The following MAMDC2 variants were observed in gnomAD, a reference collection of about 807,000 sequenced individuals.
MAMDC2 encodes MAM domain-containing protein 2.
In MAMDC2, 57 loss-of-function variants were observed where a neutral mutation model predicts 89.8. That is an observed-to-expected ratio of 0.63 (90% CI 0.51 to 0.79). The LOEUF (loss-of-function observed/expected upper bound fraction) is 0.79, where lower values mean the gene tolerates loss of function less well. Among genes scored for constraint, MAMDC2 ranks in the 30% least tolerant of loss-of-function variants. The pLI is 0.00. For missense variants in MAMDC2, 800 were observed against 820.6 expected (o/e 0.97, Z 0.31); for synonymous variants, 313 against 293.4 (o/e 1.07, Z -0.68).
At chr9:70,124,082 T>C (rs2030414194) in intron 5 of MAMDC2, among the ~76,000 whole-genome samples, 1 of 152,138 alleles carries the variant, frequency 6.6e-6, no homozygotes, top group Non-Finnish European at 1.5e-5. Context: ...GCCTGCAGCA[T>C]GGGGCTGGGT....
At chr9:70,159,048 A>G (rs2118481707) in intron 9 of MAMDC2, among the ~76,000 whole-genome samples, 1 of 56,048 alleles carries the variant, frequency 1.8e-5, no homozygotes, top group Admixed American at 1.4e-4. Context: ...CATGCATAAT[A>G]CACACACACA....
At chr9:70,143,516 T>C (rs2031295568) in intron 8 of MAMDC2, 38 bp from the exon 9 acceptor site, 2 of 1,605,080 alleles carry the variant, frequency 1.2e-6, no homozygotes, top group African/African-American at 2.7e-5. Flanking sequence ...CTAGATTAGA[T>C]TATTTTGCAT....
At chr9:70,068,356 G>T (rs1278097257) in intron 2 of MAMDC2, among the ~76,000 whole-genome samples, 2 of 152,084 alleles carry the variant, frequency 1.3e-5, no homozygotes, top group Non-Finnish European at 2.9e-5. Context: ...CTCTGTGGGG[G>T]TAGGGAGCAC....
chr9:70,177,498 C>A (rs1433492899), intron 11 of MAMDC2, among the ~76,000 whole-genome samples: 1 of 152,138 alleles, frequency 6.6e-6, no homozygotes, highest in Non-Finnish European at 1.5e-5. Flanking sequence ...CTGTGGGTAA[C>A]CGAAACCATG....
At chr9:70,072,234 T>C (rs141236425) in intron 2 of MAMDC2, among the ~76,000 whole-genome samples, 232 of 152,304 alleles carry the variant, frequency 1.5e-3, no homozygotes, top group Non-Finnish European at 2.4e-3. Flanking sequence ...CATGTTTTCC[T>C]GACCATCAGT....
intron 7 of MAMDC2, 93 bp downstream of exon 7, chr9:70,131,705 A>C: frequency 1.1e-6 from 1 of 902,656 alleles, no homozygotes; most frequent in South Asian, 1.5e-5. Flanking sequence ...TTTAATTTTC[A>C]TATCTTTCCC....
intron 2 of MAMDC2, chr9:70,060,427 G>A (rs1297157066): frequency 6.6e-6 from 1 of 152,144 alleles, no homozygotes; most frequent in Non-Finnish European, 1.5e-5. Context: ...CTTCCCTCAG[G>A]GATGTATCTA....
intron 11 of MAMDC2, among the ~76,000 whole-genome samples, chr9:70,213,735 A>C (rs1470123399): frequency 1.5e-5 from 1 of 66,434 alleles, no homozygotes; most frequent in East Asian, 4.6e-4. Flanking sequence ...CAGTGAAAGA[A>C]TGAAGGTAAT....
intron 2 of MAMDC2, among the ~76,000 whole-genome samples, chr9:70,062,381 C>T (rs1385484523): frequency 1.3e-5 from 2 of 151,918 alleles, no homozygotes; most frequent in Admixed American, 6.6e-5. Context: ...ATTGAAGGAT[C>T]GTAAGAGATG....
intron 2 of MAMDC2, among the ~76,000 whole-genome samples, chr9:70,081,123 G>A (rs532586949): frequency 6.6e-6 from 1 of 152,148 alleles, no homozygotes; most frequent in African/African-American, 2.4e-5. Flanking sequence ...ACTGTCAGCT[G>A]TTTGTTTGAC....
At chr9:70,194,328 G>A (rs926303351) in intron 11 of MAMDC2, 1 of 152,108 alleles carries the variant, frequency 6.6e-6, no homozygotes, top group Non-Finnish European at 1.5e-5. Context: ...CAGTGTAACA[G>A]AATTAAGAGA....
rs1564004157 is a variant in MAMDC2 at position 70,218,371 on chromosome 9, G to A, written c.1686G>A (p.Val562=). The change falls in exon 12 of 14, where the codon GTG becomes GTA. Residue 562 remains valine, a synonymous_variant. Transcript: ENST00000377182. ...YYMYIEASHM[V]YGQKARLLSR... is the part of the protein sequence containing the mutation. ...TGTACATTGAGGCCTCCCATATGGT[G>A]TATGGACAAAAAGCACGCCTCTTGT... The A allele has an allele frequency of 2.5e-6, 4 of 1,614,070 alleles. No individual in the cohort carries two copies. The highest frequency in any genetic ancestry group is 1.1e-5 in the South Asian group (1 of 91,082).
At chr9:70,209,480 C>T (rs952108973) in intron 11 of MAMDC2, among the ~76,000 whole-genome samples, 3 of 151,966 alleles carry the variant, frequency 2.0e-5, no homozygotes, top group Non-Finnish European at 4.4e-5. Flanking sequence ...TGTGATATTC[C>T]CTTTATCATT....
At chr9:70,193,445 C>CG (rs1240534573) in intron 11 of MAMDC2, among the ~76,000 whole-genome samples, 1 of 152,048 alleles carries the variant, frequency 6.6e-6, no homozygotes, top group Non-Finnish European at 1.5e-5. Context: ...GGAGTATTAA[C>CG]TATTGTCTGC....
intron 11 of MAMDC2, among the ~76,000 whole-genome samples, chr9:70,173,554 T>C (rs1335495239): frequency 6.6e-6 from 1 of 152,214 alleles, no homozygotes; most frequent in Non-Finnish European, 1.5e-5. Context: ...TATTGTAGTC[T>C]AGATGTTATG....
intron 4 of MAMDC2, among the ~76,000 whole-genome samples, chr9:70,110,537 G>C (rs937579207): frequency 6.6e-6 from 1 of 152,220 alleles, no homozygotes; most frequent in Admixed American, 6.5e-5. Context: ...CCAGACCCCT[G>C]TGGGGAGAAA....
intron 2 of MAMDC2, among the ~76,000 whole-genome samples, chr9:70,060,887 C>T (rs1450369076): frequency 6.6e-6 from 1 of 152,192 alleles, no homozygotes; most frequent in East Asian, 1.9e-4. Flanking sequence ...TCATGGTACT[C>T]AAACTTCAGG....
At chr9:70,197,462 A>G (rs2032994667) in intron 11 of MAMDC2, among the ~76,000 whole-genome samples, 1 of 152,174 alleles carries the variant, frequency 6.6e-6, no homozygotes, top group African/African-American at 2.4e-5. Context: ...TTGGAAGAAC[A>G]TGTTATCTAC....
At chr9:70,169,931 T>G (rs972050564) in intron 10 of MAMDC2, 4 of 152,310 alleles carry the variant, frequency 2.6e-5, no homozygotes, top group Non-Finnish European at 4.4e-5. Context: ...ACCCATGAAG[T>G]GACTACCATC....
Sources: gnomAD v4.1 joint callset for allele counts (sites outside exome capture counted in the v4.1 genomes callset) on GRCh38, gnomAD v4.1.1 for gene constraint, MANE v1.5 for transcripts, NCBI Gene and HGNC (gene_info 2026-07-23, HGNC 2026-07-21) for gene names.